The following ZNF521 variants were observed in gnomAD, a reference collection of about 807,000 sequenced individuals.
The protein encoded by ZNF521 is LYST-interacting protein 3.
ZNF521 carries 14 observed loss-of-function variants against 105.5 expected under a neutral mutation model. That is an observed-to-expected ratio of 0.13 (90% CI 0.09 to 0.21). The LOEUF (loss-of-function observed/expected upper bound fraction) is 0.21, where lower values mean the gene tolerates loss of function less well. Ranked by LOEUF, ZNF521 falls within the 10% of genes least tolerant of loss-of-function variation. The pLI, the probability that ZNF521 is intolerant of heterozygous loss-of-function variation, is 1.00. For missense variants in ZNF521, 1,233 were observed against 1,629.7 expected (o/e 0.76, Z 4.19); for synonymous variants, 635 against 606.0 (o/e 1.05, Z -0.70).
intron 5 of ZNF521, among the ~76,000 whole-genome samples, chr18:25,191,901 T>C (rs2035824628): frequency 6.6e-6 from 1 of 152,172 alleles, no homozygotes; most frequent in Non-Finnish European, 1.5e-5. Flanking sequence ...TTTACTATGC[T>C]GATTTCAGAA....
intron 3 of ZNF521, among the ~76,000 whole-genome samples, chr18:25,275,316 A>G (rs534395408): frequency 2.0e-5 from 3 of 152,338 alleles, no homozygotes; most frequent in South Asian, 4.1e-4. Flanking sequence ...TAGGAAGGTA[A>G]AGCCAAGGAC....
chr18:25,118,362 C>T (rs1332063561), intron 5 of ZNF521, among the ~76,000 whole-genome samples: 1 of 151,884 alleles, frequency 6.6e-6, no homozygotes, highest in Admixed American at 6.6e-5. Flanking sequence ...GCAACATAAA[C>T]AGTAAATATC....
intron 5 of ZNF521, among the ~76,000 whole-genome samples, chr18:25,124,391 AAACTAAGT>A (rs1765014595): frequency 6.6e-6 from 1 of 152,164 alleles, no homozygotes; most frequent in South Asian, 2.1e-4. Context: ...CCTGCTTCAG[AAACTAAGT>A]AACACATGAA....
chr18:25,224,303 C>T (rs767207536), intron 4 of ZNF521, 42 bp downstream of exon 4: 1 of 1,536,066 alleles, frequency 6.5e-7, no homozygotes, highest in Non-Finnish European at 8.9e-7. Context: ...GGGACCGTTT[C>T]TTGAGGAGGT....
chr18:25,204,282 TA>T (rs2036041966), intron 4 of ZNF521, among the ~76,000 whole-genome samples: 1 of 152,216 alleles, frequency 6.6e-6, no homozygotes, highest in African/African-American at 2.4e-5. Context: ...TATAATTGAG[TA>T]AAAAAGTTGA....
chr18:25,251,880 G>A (rs923170196), intron 3 of ZNF521, among the ~76,000 whole-genome samples: 1 of 152,154 alleles, frequency 6.6e-6, no homozygotes, highest in African/African-American at 2.4e-5. Flanking sequence ...TCACACTGGT[G>A]ATAGTTCAAT....
chr18:25,228,138 C>T (rs879011842), intron 3 of ZNF521, among the ~76,000 whole-genome samples: 1 of 152,162 alleles, frequency 6.6e-6, no homozygotes, highest in East Asian at 1.9e-4. Context: ...TTAATGCAGT[C>T]AACCCAGATG....
At chr18:25,196,822 C>G (rs2035909969) in intron 4 of ZNF521, among the ~76,000 whole-genome samples, 1 of 151,776 alleles carries the variant, frequency 6.6e-6, no homozygotes, top group Non-Finnish European at 1.5e-5. Flanking sequence ...TTCTTACTCC[C>G]TGATGACCTA....
chr18:25,332,447 C>T (rs1913630222), intron 2 of ZNF521, among the ~76,000 whole-genome samples: 1 of 151,660 alleles, frequency 6.6e-6, no homozygotes, highest in African/African-American at 2.4e-5. Flanking sequence ...ATTGTGTCTT[C>T]CCCTAGTTGG....
intron 4 of ZNF521, among the ~76,000 whole-genome samples, chr18:25,205,507 A>G (rs2036064799): frequency 6.6e-6 from 1 of 152,098 alleles, no homozygotes; most frequent in African/African-American, 2.4e-5. Flanking sequence ...AAGTATTGAA[A>G]CTTCTTTCTG....
At chr18:25,220,049 C>T (rs187353312) in intron 4 of ZNF521, among the ~76,000 whole-genome samples, 7 of 152,074 alleles carry the variant, frequency 4.6e-5, no homozygotes, top group Admixed American at 3.3e-4. Flanking sequence ...GCTCTGGGAG[C>T]GAAGGAGGCC....
intron 3 of ZNF521, among the ~76,000 whole-genome samples, chr18:25,269,415 G>A (rs1272272519): frequency 6.6e-6 from 1 of 152,152 alleles, no homozygotes; most frequent in Admixed American, 6.5e-5. Context: ...TTCAGGTCTT[G>A]AACTCAGCTC....
intron 3 of ZNF521, among the ~76,000 whole-genome samples, chr18:25,244,251 A>G (rs972253086): frequency 6.6e-6 from 1 of 151,700 alleles, no homozygotes; most frequent in African/African-American, 2.4e-5. Flanking sequence ...TTTCCCAGAG[A>G]CATTCTAACA....
rs564096654 is a variant in ZNF521 at position 25,317,138 on chromosome 18, T to G, written c.220+4870A>C. Among the ~76,000 whole-genome samples the G allele has an allele frequency of 6.6e-5, 10 of 152,264 alleles. No individual in the cohort carries two copies. The East Asian group carries it at 1.7e-3, about 26-fold the overall frequency. ...TCCCAAAGTGCTGGGATTACAGACATGAGCCACGACGCCCGGCCTCTACTT... is the reference window on the plus strand; with the variant it reads ...TCCCAAAGTGCTGGGATTACAGACAGGAGCCACGACGCCCGGCCTCTACTT... On this transcript the variant is annotated intron_variant, in intron 3 of 7. Transcript: ENST00000361524.
chr18:25,298,091 A>C (rs1225483613), intron 3 of ZNF521, among the ~76,000 whole-genome samples: 2 of 152,190 alleles, frequency 1.3e-5, no homozygotes, highest in Admixed American at 1.3e-4. Flanking sequence ...TCTTTTCATT[A>C]TTCTGAAAAA....
intron 5 of ZNF521, among the ~76,000 whole-genome samples, chr18:25,175,788 G>A (rs1465760034): frequency 6.6e-6 from 1 of 152,096 alleles, no homozygotes; most frequent in Non-Finnish European, 1.5e-5. Flanking sequence ...TGGATCAACG[G>A]TTTTGCTACT....
At chr18:25,201,329 C>G (rs1009498810) in intron 4 of ZNF521, 103 of 152,176 alleles carry the variant, frequency 6.8e-4, no homozygotes, top group African/African-American at 2.5e-3. Flanking sequence ...CAGTCTCTTG[C>G]TGTGAACAAG....
rs8093666 is a variant in ZNF521, at chr18:25,336,713, A to G, written c.40+14194T>C. Among the ~76,000 whole-genome samples the G allele has an allele frequency of 5.7e-3, 873 of 152,084 alleles. 15 individuals are homozygous for G. The highest frequency in any genetic ancestry group is 0.02 in the African/African-American group (840 of 41,478). Reference sequence around the variant, plus strand: ...CTTTGTGAGAATCCCTCTAGCCCCCACAAAACAGGCTTCAGAAAGGGCTAT... The same window carrying G: ...CTTTGTGAGAATCCCTCTAGCCCCCGCAAAACAGGCTTCAGAAAGGGCTAT... On this transcript the variant is annotated intron_variant, in intron 2 of 7. Coordinates refer to ENST00000361524, the MANE Select transcript of ZNF521 (RefSeq NM_015461.3).
intron 2 of ZNF521, among the ~76,000 whole-genome samples, chr18:25,331,485 C>T (rs1033364224): frequency 3.3e-5 from 5 of 152,228 alleles, no homozygotes; most frequent in Admixed American, 2.0e-4. Context: ...TGGACATTTG[C>T]GAAAGAATCT....
Sources: gnomAD v4.1 joint callset for allele counts (sites outside exome capture counted in the v4.1 genomes callset) on GRCh38, gnomAD v4.1.1 for gene constraint, MANE v1.5 for transcripts, NCBI Gene and HGNC (gene_info 2026-07-23, HGNC 2026-07-21) for gene names.